TMEM144: variants seen among roughly 807,000 people sequenced by gnomAD.
The protein encoded by TMEM144 is transmembrane protein 144.
Under a neutral mutation model 43.6 loss-of-function variants are expected in TMEM144, and 39 were observed. That is an observed-to-expected ratio of 0.90 (90% CI 0.69 to 1.17). TMEM144 has a LOEUF of 1.17. Ranked by LOEUF, TMEM144 falls within the 50% of genes most tolerant of loss-of-function variation. The pLI, the probability that TMEM144 is intolerant of heterozygous loss-of-function variation, is 0.00. For missense variants in TMEM144, 417 were observed against 411.9 expected, an observed-to-expected ratio of 1.01 and a Z score of -0.11; for synonymous variants, 154 against 133.6, an observed-to-expected ratio of 1.15 and a Z score of -1.06.
At chr4:158,240,462 ATCTACAACT>A in intron 10 of TMEM144, 44 bp downstream of exon 10, 1 of 1,554,766 alleles carries the variant, frequency 6.4e-7, no homozygotes, top group Non-Finnish European at 8.7e-7. Flanking sequence ...TGAAAGTGTC[ATCTACAACT>A]CATTTAACTT....
chr4:158,237,119 T>A (rs1455276805), intron 8 of TMEM144, among the ~76,000 whole-genome samples: 1 of 152,220 alleles, frequency 6.6e-6, no homozygotes, highest in Non-Finnish European at 1.5e-5. Context: ...CTGTGCTGGA[T>A]AGCATGGCCT....
chr4:158,235,445 A>G lies in TMEM144; in HGVS notation c.503A>G (p.Asn168Ser), dbSNP rs1212878303. Residue 168 changes from asparagine to serine, a missense_variant, in exon 8 of 13, where the codon AAC (asparagine) becomes AGC (serine). Asn to Ser is a conservative substitution (Grantham distance 46). Transcript: ENST00000296529. ...TTPLITEHVINTTQDPCSWVD... is the reference protein window; with the variant it reads ...TTPLITEHVISTTQDPCSWVD... ...GGCCAATGTTTTCAATAGGTGATCA[A>G]CACAACCCAAGACCCCTGTTCCTGG... 9.9e-6 allele frequency: 16 copies of G among 1,613,852 alleles called. No homozygotes were observed. The highest frequency in any genetic ancestry group is 1.3e-5 in the African/African-American group (1 of 74,930).
chr4:158,219,408 G>A lies in TMEM144; in HGVS notation c.413+18G>A, dbSNP rs563675997. 5 of 1,607,686 alleles carry A rather than the reference G, an allele frequency of 3.1e-6. No homozygotes were observed. The South Asian group carries it at 5.5e-5, about 18-fold the overall frequency. On this transcript the variant is annotated intron_variant, in intron 6 of 12. Coordinates refer to ENST00000296529, the MANE Select transcript of TMEM144 (RefSeq NM_018342.5). ...GTAGTAAGGTACACAGTCATTTCTA[G>A]TGATTTTGCTGTTCTTCAAAACATG...
chr4:158,242,300 C>T (rs1457801275), intron 11 of TMEM144, among the ~76,000 whole-genome samples: 1 of 152,164 alleles, frequency 6.6e-6, no homozygotes, highest in East Asian at 1.9e-4. Flanking sequence ...GGGAGTAGGT[C>T]CCTATTGCTA....
intron 6 of TMEM144, among the ~76,000 whole-genome samples, chr4:158,220,491 G>GTA (rs1734457106): frequency 6.6e-6 from 1 of 152,140 alleles, no homozygotes; most frequent in Non-Finnish European, 1.5e-5. Context: ...TTTAGAAAAA[G>GTA]TACATTCTCT....
chr4:158,228,047 CAAACCAAAATCA>C (rs986775452), intron 6 of TMEM144, among the ~76,000 whole-genome samples: 6 of 152,032 alleles, frequency 3.9e-5, no homozygotes, highest in African/African-American at 9.7e-5. Flanking sequence ...CAGTTTACAC[CAAACCAAAATCA>C]AAACCAAAAT....
chr4:158,227,258 C>T lies in TMEM144; in HGVS notation c.414-5643C>T, dbSNP rs146886146. Among the ~76,000 whole-genome samples, 667 of 151,958 alleles carry T rather than the reference C, an allele frequency of 4.4e-3. 5 individuals carry two copies. The highest frequency in any genetic ancestry group is 0.016 in the African/African-American group (643 of 41,440). On this transcript the variant is annotated intron_variant, in intron 6 of 12. Transcript: ENST00000296529. ...AGGTGTGCTCACGATGAGGTTTCCT[C>T]TAAAAGTTATTTTTGTTTTATTTTT...
In TMEM144 at chr4:158,253,793, C is replaced by T. The variant is rs1410695853; in HGVS notation, c.*266C>T. 2 of 410,204 alleles carry T rather than the reference C, an allele frequency of 4.9e-6. No individual in the cohort carries two copies. The highest frequency in any genetic ancestry group is 1.0e-4 in the East Asian group (2 of 19,390). The allele number at this position is 410,204 out of a possible 1,614,324, so 25.4% of individuals were successfully genotyped here. ...GACTAAAATGTCTACATTATTATAG[C>T]ATTACATACGAGGATGCTCTTTTTA... On this transcript the variant is annotated 3_prime_UTR_variant, in exon 13 of 13. Coordinates refer to ENST00000296529, the MANE Select transcript of TMEM144 (RefSeq NM_018342.5).
In TMEM144 at chr4:158,246,933, A is replaced by G. The variant is rs111658621; in HGVS notation, c.954+2584A>G. 5.6e-3 allele frequency among the ~76,000 whole-genome samples: 852 copies of G among 152,100 alleles called. 11 individuals are homozygous for G. The highest frequency in any genetic ancestry group is 0.02 in the African/African-American group (817 of 41,574). On this transcript the variant is annotated intron_variant, in intron 12 of 12. Transcript: ENST00000296529. The stretch of plus-strand genomic sequence containing the variant: ...CCTCTTAACTACATATAAGAACCCT[A>G]TTCAAAGAGAATCCCTAACCAAAAA...
At chr4:158,226,549 A>AT (rs1373202485) in intron 6 of TMEM144, among the ~76,000 whole-genome samples, 1 of 152,142 alleles carries the variant, frequency 6.6e-6, no homozygotes, top group African/African-American at 2.4e-5. Context: ...GTAGGTAAAA[A>AT]TTTATATTTT....
intron 6 of TMEM144, among the ~76,000 whole-genome samples, chr4:158,219,698 A>G (rs1265362841): frequency 6.6e-6 from 1 of 152,222 alleles, no homozygotes; most frequent in South Asian, 2.1e-4. Flanking sequence ...TGAGAATCAT[A>G]TATTTTGCAA....
intron 4 of TMEM144, 145 bp from the exon 5 acceptor site, chr4:158,217,176 T>G: frequency 1.8e-6 from 1 of 552,860 alleles, no homozygotes. Context: ...TGTGGTTATT[T>G]TACTGAAAAA....
chr4:158,240,245 A>C (rs879546044), intron 9 of TMEM144, 54 bp from the exon 10 acceptor site: 61 of 1,551,216 alleles, frequency 3.9e-5, no homozygotes, highest in Non-Finnish European at 5.0e-5. Flanking sequence ...AGAAATCTAA[A>C]TATATCTGGA....
chr4:158,219,193 AAT>A (rs1263148640), intron 5 of TMEM144, 115 bp from the exon 6 acceptor site: 1 of 937,106 alleles, frequency 1.1e-6, no homozygotes, highest in Non-Finnish European at 1.7e-6. Context: ...AGTCACAGCT[AAT>A]AAGTGAGAGA....
chr4:158,232,748 A>C (rs978878083), intron 6 of TMEM144, among the ~76,000 whole-genome samples, 153 bp from the exon 7 acceptor site: 3 of 152,250 alleles, frequency 2.0e-5, no homozygotes, highest in African/African-American at 4.8e-5. Context: ...GAGTTCTGGC[A>C]AAACGGCAGG....
At chr4:158,212,806 A>C in intron 3 of TMEM144, 30 bp downstream of exon 3, 1 of 1,525,346 alleles carries the variant, frequency 6.6e-7, no homozygotes, top group Non-Finnish European at 9.1e-7. Context: ...TGTTAACGTT[A>C]TATTATTTTT....
At chr4:158,217,446 T>C (rs771209041) in intron 5 of TMEM144, 26 bp downstream of exon 5, 11 of 1,475,576 alleles carry the variant, frequency 7.5e-6, no homozygotes, top group Non-Finnish European at 1.0e-5. Context: ...CTAGTTCAAC[T>C]AAGATTTCCT....
At chr4:158,213,873 A>G (rs2111099088) in intron 3 of TMEM144, 1 of 152,272 alleles carries the variant, frequency 6.6e-6, no homozygotes, top group South Asian at 2.1e-4. Context: ...CCGAAGAACA[A>G]AAAAATGGGT....
At chr4:158,240,647 C>T (rs1178601237) in intron 10 of TMEM144, among the ~76,000 whole-genome samples, 2 of 152,044 alleles carry the variant, frequency 1.3e-5, no homozygotes, top group Non-Finnish European at 2.9e-5. Context: ...CAATGTTGGC[C>T]ATTATTACAG....
Sources: gnomAD v4.1 joint callset for allele counts (sites outside exome capture counted in the v4.1 genomes callset) on GRCh38, gnomAD v4.1.1 for gene constraint, MANE v1.5 for transcripts, NCBI Gene and HGNC (gene_info 2026-07-23, HGNC 2026-07-21) for gene names.